PRRX2: variants seen among roughly 807,000 people sequenced by gnomAD.
PRRX2 encodes paired related homeobox 2.
Under a neutral mutation model 18.0 loss-of-function variants are expected in PRRX2, and 11 were observed. The ratio of observed to expected loss-of-function variants is 0.61; its 90% CI spans 0.39 to 1.01. PRRX2 has a LOEUF of 1.01. Among genes scored for constraint, PRRX2 ranks in the 50% least tolerant of loss-of-function variants. The pLI is 0.01. For missense variants in PRRX2, 387 were observed against 351.0 expected (o/e 1.10, Z -0.82); for synonymous variants, 177 against 154.8 (o/e 1.14, Z -1.06).
chr9:129,683,744 TAAA>T (rs540974758), intron 1 of PRRX2, among the ~76,000 whole-genome samples: 1 of 150,470 alleles, frequency 6.6e-6, no homozygotes, highest in Non-Finnish European at 1.5e-5. Context: ...CAAAAAAAAA[TAAA>T]AAATAAAAAA....
intron 1 of PRRX2, among the ~76,000 whole-genome samples, chr9:129,670,582 C>T (rs1407090831): frequency 6.6e-6 from 1 of 152,124 alleles, no homozygotes; most frequent in Admixed American, 6.6e-5. Flanking sequence ...GCCTTGTTGG[C>T]CAGGCTGGTC....
rs1832802081 is a variant in PRRX2 at position 129,722,217 on chromosome 9, C to T, written c.627C>T (p.Ser209=). ...GACCTGTGTCTCATGTCGCCCCCAGCACAGTGCCACCCTACAGCCCTGGGA... is the reference window on the plus strand; with the variant it reads ...GACCTGTGTCTCATGTCGCCCCCAGTACAGTGCCACCCTACAGCCCTGGGA... ...YLSWTASSPY[S]TVPPYSPGSS... Residue 209 remains serine, a splice_region_variant and synonymous_variant, in exon 4 of 4, where the codon AGC becomes AGT. Coordinates refer to ENST00000372469, the MANE Select transcript of PRRX2 (RefSeq NM_016307.4). 1.2e-6 allele frequency: 2 copies of T among 1,613,244 alleles called. No homozygotes were observed. Among genetic ancestry groups the T allele is most frequent in the African/African-American group, 2.7e-5 (2 of 75,018 alleles).
chr9:129,698,798 G>A (rs1360574303), intron 1 of PRRX2, among the ~76,000 whole-genome samples: 4 of 152,352 alleles, frequency 2.6e-5, no homozygotes, highest in Middle Eastern at 3.4e-3. Context: ...ACAGAGCTGG[G>A]ATGTGGAGAA....
At chr9:129,697,615 C>T (rs1181730005) in intron 1 of PRRX2, among the ~76,000 whole-genome samples, 1 of 151,780 alleles carries the variant, frequency 6.6e-6, no homozygotes, top group African/African-American at 2.4e-5. Flanking sequence ...CCCTGGATTT[C>T]GGACCGACCC....
chr9:129,682,290 A>G (rs372437113), intron 1 of PRRX2, among the ~76,000 whole-genome samples: 1 of 151,368 alleles, frequency 6.6e-6, no homozygotes, highest in Non-Finnish European at 1.5e-5. Context: ...CACTTCACAA[A>G]GTCCTGGCAC....
At chr9:129,677,245 C>G (rs1832171225) in intron 1 of PRRX2, among the ~76,000 whole-genome samples, 1 of 152,240 alleles carries the variant, frequency 6.6e-6, no homozygotes, top group Admixed American at 6.5e-5. Flanking sequence ...TGCAGAGCCT[C>G]TCACTGAATC....
intron 1 of PRRX2, among the ~76,000 whole-genome samples, chr9:129,680,347 G>A (rs1307681354): frequency 6.1e-5 from 9 of 148,156 alleles, no homozygotes; most frequent in Admixed American, 2.0e-4. Context: ...GTTGCAGTGC[G>A]CTGAGATCAT....
chr9:129,684,532 A>ACACACACACACACCCC (rs1165343797), intron 1 of PRRX2, among the ~76,000 whole-genome samples: 24 of 140,368 alleles, frequency 1.7e-4, no homozygotes, highest in East Asian at 2.2e-4. Context: ...ACCCACACAC[A>ACACACACACACACCCC]CCCCAACAGA....
chr9:129,697,738 G>A (rs1019296872), intron 1 of PRRX2, among the ~76,000 whole-genome samples: 4 of 152,146 alleles, frequency 2.6e-5, no homozygotes, highest in African/African-American at 7.2e-5. Context: ...GCCCTGTCCC[G>A]GGGGAGGGAA....
In PRRX2 at chr9:129,720,744, A is replaced by C. The variant is rs148368723; in HGVS notation, c.596A>C (p.Tyr199Ser). 456 of 1,609,574 alleles carry C rather than the reference A, an allele frequency of 2.8e-4. 1 individual carries two copies. The African/African-American group carries it at 4.9e-3, about 17-fold the overall frequency. ...APRPTALSPD[Y>S]LSWTASSPYS... ...CGGCCCACCGCCCTGAGTCCAGATTATCTCTCCTGGACAGCCTCGTCCCCC... is the reference window on the plus strand; with the variant it reads ...CGGCCCACCGCCCTGAGTCCAGATTCTCTCTCCTGGACAGCCTCGTCCCCC... Residue 199 changes from tyrosine to serine, a missense_variant, in exon 3 of 4, where the codon TAT becomes TCT. Coordinates refer to ENST00000372469, the MANE Select transcript of PRRX2 (RefSeq NM_016307.4).
rs762929485 is a variant in PRRX2 at position 129,715,750 on chromosome 9, T to TCTCTCTCTCTCTCTCA, written c.260-3480_260-3479insTCTCTCTCTCTCTCAC. Among the ~76,000 whole-genome samples the TCTCTCTCTCTCTCTCA allele has an allele frequency of 2.0e-3, 272 of 138,944 alleles. 1 individual carries two copies. In the East Asian group the frequency reaches 0.027, roughly 14 times the overall value. The allele number at this position is 138,944 out of a possible 152,430, so 91.2% of individuals were successfully genotyped here. A position where few individuals can be genotyped will look rare whatever the true frequency, so the allele number is the denominator to read the frequency against. On this transcript the variant is annotated intron_variant, in intron 1 of 3. Transcript: ENST00000372469. The surrounding 1 kb of genome is among the most constrained non-coding windows in gnomAD (Gnocchi z 4.0). ...AAACCCAGCTTCAGGGACATCTTTC[T>TCTCTCTCTCTCTCTCA]CACACACACACACACACACACACAC...
chr9:129,720,984 T>C (rs1279998640), intron 3 of PRRX2, among the ~76,000 whole-genome samples: 5 of 150,014 alleles, frequency 3.3e-5, no homozygotes, highest in Non-Finnish European at 5.9e-5. Context: ...AGAGTTGGCA[T>C]GTGTGTGTGT....
chr9:129,684,510 A>C (rs1028845169), intron 1 of PRRX2, among the ~76,000 whole-genome samples: 2 of 54,182 alleles, frequency 3.7e-5, no homozygotes, highest in Non-Finnish European at 1.1e-4. Context: ...ACACACACAC[A>C]CACACACACA....
At chr9:129,668,140 A>G (rs1174376279) in intron 1 of PRRX2, among the ~76,000 whole-genome samples, 1 of 152,326 alleles carries the variant, frequency 6.6e-6, no homozygotes. Flanking sequence ...GTCTACAGGC[A>G]GAAGGTGGAG....
intron 1 of PRRX2, among the ~76,000 whole-genome samples, chr9:129,682,573 T>C (rs1832246921): frequency 6.6e-6 from 1 of 152,186 alleles, no homozygotes; most frequent in South Asian, 2.1e-4. Context: ...TTTATTCCTT[T>C]GTCTCTTGAC....
chr9:129,687,806 G>A (rs1164550019), intron 1 of PRRX2, among the ~76,000 whole-genome samples: 1 of 152,222 alleles, frequency 6.6e-6, no homozygotes, highest in Non-Finnish European at 1.5e-5. Context: ...GCAGGCCTAG[G>A]CAGGCAGCAT....
At chr9:129,677,095 G>C (rs185383194) in intron 1 of PRRX2, among the ~76,000 whole-genome samples, 1 of 152,232 alleles carries the variant, frequency 6.6e-6, no homozygotes, top group African/African-American at 2.4e-5. Context: ...TTCAGCGCAT[G>C]TGCGTGTTGT....
chr9:129,715,750 T>TCTCTCTCTCACA lies in PRRX2; in HGVS notation c.260-3480_260-3479insTCTCTCTCACAC, dbSNP rs762929485. ...AAACCCAGCTTCAGGGACATCTTTC[T>TCTCTCTCTCACA]CACACACACACACACACACACACAC... On this transcript the variant is annotated intron_variant, in intron 1 of 3. Coordinates refer to ENST00000372469, the MANE Select transcript of PRRX2 (RefSeq NM_016307.4). This position sits in a 1 kb window ranked among gnomAD's most constrained non-coding sequence, Gnocchi z 4.0. Among the ~76,000 whole-genome samples, 215 of 138,942 alleles carry TCTCTCTCTCACA rather than the reference T, an allele frequency of 1.5e-3. No individual in the cohort carries two copies. The highest frequency in any genetic ancestry group is 2.1e-3 in the African/African-American group (79 of 36,916). 91.2% of individuals were successfully genotyped at this position (138,942 alleles called of 152,430 possible).
At chr9:129,682,149 C>T (rs908008954) in intron 1 of PRRX2, among the ~76,000 whole-genome samples, 5 of 152,034 alleles carry the variant, frequency 3.3e-5, no homozygotes, top group African/African-American at 1.2e-4. Context: ...CAGGATGTCA[C>T]ATGGATCCCA....
Sources: allele counts gnomAD v4.1 joint callset (sites outside exome capture counted in the v4.1 genomes callset), GRCh38; gene constraint gnomAD v4.1.1; non-coding constraint Gnocchi (gnomAD v3.1); transcripts MANE v1.5; gene names NCBI Gene and HGNC (gene_info 2026-07-23, HGNC 2026-07-21).